Variants in ACSS1 observed in about 807,000 individuals in gnomAD.
The protein encoded by ACSS1 is acyl-CoA synthetase short chain family member 1, also known as acetyl-coenzyme A synthetase 2-like, mitochondrial.
ACSS1 carries 42 observed loss-of-function variants against 75.3 expected under a neutral mutation model. The observed-to-expected ratio is 0.56, with a 90% CI of 0.44 to 0.72. The LOEUF (loss-of-function observed/expected upper bound fraction) is 0.72, where lower values mean the gene tolerates loss of function less well. ACSS1 is among the 30% of genes least tolerant of loss of function. The probability of loss-of-function intolerance (pLI) is 0.00; values close to 1 mark genes in which losing one functional copy is unlikely to be tolerated. For synonymous variants in ACSS1, 380 were observed against 376.8 expected, an observed-to-expected ratio of 1.01 and a Z score of -0.10; for missense variants, 782 against 935.7, an observed-to-expected ratio of 0.84 and a Z score of 2.14.
At chr20:25,037,790 C>T (rs897694121) in intron 2 of ACSS1, among the ~76,000 whole-genome samples, 6 of 152,220 alleles carry the variant, frequency 3.9e-5, no homozygotes, top group African/African-American at 1.4e-4. Flanking sequence ...ATGGCCAGCT[C>T]GCATCTCATG....
chr20:25,047,292 C>G (rs1244107623), intron 2 of ACSS1, among the ~76,000 whole-genome samples: 3 of 152,212 alleles, frequency 2.0e-5, no homozygotes, highest in African/African-American at 7.2e-5. Context: ...CACCTTCCCT[C>G]TACCTCTGGG....
chr20:25,053,560 T>C (rs1459264655), intron 1 of ACSS1, among the ~76,000 whole-genome samples: 1 of 151,722 alleles, frequency 6.6e-6, no homozygotes, highest in African/African-American at 2.4e-5. Context: ...TCATGTAGAG[T>C]TCCCTGAAAA....
intron 1 of ACSS1, among the ~76,000 whole-genome samples, chr20:25,048,979 C>G (rs1039381970): frequency 6.6e-6 from 1 of 152,144 alleles, no homozygotes; most frequent in Non-Finnish European, 1.5e-5. Flanking sequence ...TCGGAGGGTC[C>G]CCAGGTATGC....
intron 3 of ACSS1, 130 bp downstream of exon 3, chr20:25,030,629 G>C: frequency 9.4e-7 from 1 of 1,067,016 alleles, no homozygotes; most frequent in Non-Finnish European, 1.4e-6. Flanking sequence ...CCTGTCCCTA[G>C]TACGATCTGT....
intron 2 of ACSS1, among the ~76,000 whole-genome samples, chr20:25,042,569 C>G (rs2122730660): frequency 1.3e-5 from 2 of 152,230 alleles, no homozygotes; most frequent in South Asian, 4.1e-4. Flanking sequence ...CCTCCCCCAG[C>G]TGCCCTGATG....
At chr20:25,055,693 T>C (rs2089231846) in intron 1 of ACSS1, among the ~76,000 whole-genome samples, 1 of 152,234 alleles carries the variant, frequency 6.6e-6, no homozygotes, top group Non-Finnish European at 1.5e-5. Flanking sequence ...ATGCTGCAGG[T>C]CTGAAGACCA....
At chr20:25,009,823 G>A (rs2088374235) in intron 12 of ACSS1, 1 of 159,492 alleles carries the variant, frequency 6.3e-6, no homozygotes, top group African/African-American at 2.4e-5. Flanking sequence ...GGTGCCATGG[G>A]CCAGGGTAGC....
At chr20:25,033,679 C>T (rs776344474) in intron 2 of ACSS1, among the ~76,000 whole-genome samples, 1 of 152,212 alleles carries the variant, frequency 6.6e-6, no homozygotes, top group Non-Finnish European at 1.5e-5. Flanking sequence ...GGGAGAGTGT[C>T]CTCCAGGAGC....
intron 8 of ACSS1, 95 bp from the exon 9 acceptor site, chr20:25,014,168 G>A: frequency 1.9e-6 from 2 of 1,079,604 alleles, no homozygotes; most frequent in Non-Finnish European, 1.3e-6. Context: ...CCCTGTTGTG[G>A]GCAAGGAAAC....
Position 25,007,313 on chromosome 20 carries a change from A to G in ACSS1, c.*449T>C, listed in dbSNP as rs2122565430. The G allele has an allele frequency of 1.8e-6, 2 of 1,083,024 alleles. No individual in the cohort carries two copies. Among genetic ancestry groups the G allele is most frequent in the Admixed American group, 4.7e-5 (1 of 21,206 alleles). 67.1% of individuals were successfully genotyped at this position (1,083,024 alleles called of 1,614,324 possible). ...TCCACACACTACATGTGAGTGTTGC[A>G]TGCTGTTCTTCCACAATATAAAAGT... On this transcript the variant is annotated 3_prime_UTR_variant, in exon 14 of 14. Transcript: ENST00000323482.
At chr20:25,045,632 T>A (rs1314353404) in intron 2 of ACSS1, among the ~76,000 whole-genome samples, 1 of 152,216 alleles carries the variant, frequency 6.6e-6, no homozygotes, top group Non-Finnish European at 1.5e-5. Flanking sequence ...CCTAGGCACC[T>A]CGAGTGCTGT....
intron 12 of ACSS1, chr20:25,011,696 G>A (rs551618423): frequency 6.6e-6 from 1 of 152,406 alleles, no homozygotes; most frequent in South Asian, 2.1e-4. Flanking sequence ...TGAAAATGCT[G>A]TTTGTAAAGC....
intron 7 of ACSS1, among the ~76,000 whole-genome samples, chr20:25,018,083 T>C (rs1285553427): frequency 2.6e-5 from 4 of 152,236 alleles, no homozygotes; most frequent in Non-Finnish European, 5.9e-5. Context: ...GTTTGAATGT[T>C]TGTCCCCTCC....
Position 25,030,826 on chromosome 20 carries a change from G to C in ACSS1, c.564C>G (p.Ile188Met), listed in dbSNP as rs1457572889. The C allele has an allele frequency of 1.9e-6, 3 of 1,614,122 alleles. No homozygotes were observed. The highest frequency in any genetic ancestry group is 1.3e-5 in the African/African-American group (1 of 74,936). ...AVAAMLACAR[I>M]GAVHTVIFAG... The stretch of plus-strand genomic sequence containing the variant: ...CAAAGATGACTGTGTGGACAGCTCC[G>C]ATCCTGGCACAGGCCAGCATTGCTG... The change falls in exon 3 of 14, where the codon ATC becomes ATG. Residue 188 changes from isoleucine to methionine, a missense_variant. This residue lies in a region of ACSS1 where 377 missense variants were observed against 383.1 expected (regional missense o/e 0.98). Coordinates refer to ENST00000323482, the MANE Select transcript of ACSS1 (RefSeq NM_032501.4).
chr20:25,021,596 A>G, intron 5 of ACSS1, 60 bp from the exon 6 acceptor site: 3 of 1,580,194 alleles, frequency 1.9e-6, no homozygotes, highest in East Asian at 4.5e-5. Flanking sequence ...TGTTCACACC[A>G]GGTCACTAGG....
At chr20:25,049,393 A>G (rs1421761477) in intron 1 of ACSS1, among the ~76,000 whole-genome samples, 2 of 152,180 alleles carry the variant, frequency 1.3e-5, no homozygotes, top group East Asian at 1.9e-4. Context: ...AGCAAAAAGA[A>G]GGAGCATACA....
chr20:25,016,839 A>G lies in ACSS1; in HGVS notation c.1247-1609T>C, dbSNP rs376445419. ...ATCTTAAAAGAAACATTACAGCATCATAGCACGGTGTGGTAACTTTGGTGT... is the reference window on the plus strand; with the variant it reads ...ATCTTAAAAGAAACATTACAGCATCGTAGCACGGTGTGGTAACTTTGGTGT... On this transcript the variant is annotated intron_variant, in intron 7 of 13. Transcript: ENST00000323482. Among the ~76,000 whole-genome samples the G allele has an allele frequency of 1.6e-4, 25 of 152,378 alleles. 1 individual carries two copies. Among genetic ancestry groups the G allele is most frequent in the African/African-American group, 6.0e-4 (25 of 41,588 alleles).
At chr20:25,015,690 T>G (rs1055128946) in intron 7 of ACSS1, among the ~76,000 whole-genome samples, 6 of 152,236 alleles carry the variant, frequency 3.9e-5, no homozygotes, top group Non-Finnish European at 8.8e-5. Flanking sequence ...ACATACCGTA[T>G]TTATGGTCAT....
At chr20:25,009,548 T>C (rs1193213608) in intron 12 of ACSS1, 160 bp from the exon 13 acceptor site, 1 of 647,998 alleles carries the variant, frequency 1.5e-6, no homozygotes, top group Non-Finnish European at 2.7e-6. Context: ...AACCCAAAGA[T>C]GCACTTCAGT....
Sources: gnomAD v4.1 joint callset for allele counts (sites outside exome capture counted in the v4.1 genomes callset) on GRCh38, gnomAD v4.1.1 for gene constraint, gnomAD v4.1.1 regional missense constraint, MANE v1.5 for transcripts, NCBI Gene and HGNC (gene_info 2026-07-23, HGNC 2026-07-21) for gene names.